Variants in ARHGAP19 observed in about 807,000 individuals in gnomAD.
The protein encoded by ARHGAP19 is rho GTPase-activating protein 19.
In ARHGAP19, 48 loss-of-function variants were observed where a neutral mutation model predicts 60.9. That is an observed-to-expected ratio of 0.79 (90% confidence interval 0.62 to 1.00). ARHGAP19 has a LOEUF of 1.00. Ranked by LOEUF, ARHGAP19 falls within the 50% of genes least tolerant of loss-of-function variation. The pLI is 0.00. For synonymous variants in ARHGAP19, 209 were observed against 215.5 expected, an observed-to-expected ratio of 0.97 and a Z score of 0.27; for missense variants, 562 against 597.2, an observed-to-expected ratio of 0.94 and a Z score of 0.61.
At chr10:97,271,528 G>A (rs144065464) in intron 1 of ARHGAP19, among the ~76,000 whole-genome samples, 108 of 152,110 alleles carry the variant, frequency 7.1e-4, no homozygotes, top group African/African-American at 2.3e-3. Flanking sequence ...GATCAGTAAC[G>A]CAGAGGAGGG....
intron 9 of ARHGAP19, among the ~76,000 whole-genome samples, chr10:97,233,537 C>T (rs899074353): frequency 2.6e-5 from 4 of 152,140 alleles, no homozygotes; most frequent in Non-Finnish European, 5.9e-5. Context: ...CAAACTAACA[C>T]AAGAACAGAA....
chr10:97,259,728 A>G (rs1842803309), intron 4 of ARHGAP19, 100 bp from the exon 5 acceptor site: 5 of 824,574 alleles, frequency 6.1e-6, no homozygotes, highest in Non-Finnish European at 1.0e-5. Context: ...TCAAAGAAAG[A>G]GGGAAAAAAG....
intron 6 of ARHGAP19, among the ~76,000 whole-genome samples, chr10:97,254,714 A>C (rs1176134242): frequency 1.3e-5 from 2 of 152,210 alleles, no homozygotes; most frequent in Non-Finnish European, 2.9e-5. Context: ...TTAAATTTGC[A>C]CATCAAAACA....
At chr10:97,260,474 G>A (rs1238917904) in intron 4 of ARHGAP19, among the ~76,000 whole-genome samples, 1 of 151,810 alleles carries the variant, frequency 6.6e-6, no homozygotes, top group Non-Finnish European at 1.5e-5. Context: ...AGCTTGCAGT[G>A]AGCCGAGATC....
chr10:97,239,376 G>A (rs1333018590), intron 8 of ARHGAP19, among the ~76,000 whole-genome samples: 2 of 151,926 alleles, frequency 1.3e-5, no homozygotes, highest in Non-Finnish European at 2.9e-5. Context: ...CGCGCCTGTA[G>A]TCCCAGCTAC....
At chr10:97,289,137 C>T (rs1268384930) in intron 1 of ARHGAP19, among the ~76,000 whole-genome samples, 1 of 112,060 alleles carries the variant, frequency 8.9e-6, no homozygotes, top group African/African-American at 3.5e-5. Context: ...TTTTTCGAAA[C>T]GTAGTCTCGC....
chr10:97,264,189 C>T (rs370363829), intron 3 of ARHGAP19, among the ~76,000 whole-genome samples: 11 of 152,178 alleles, frequency 7.2e-5, no homozygotes, highest in African/African-American at 2.7e-4. Context: ...CAATGGCTCA[C>T]GCCTATAATC....
chr10:97,256,315 T>C lies in ARHGAP19; in HGVS notation c.927+3A>G. On this transcript the variant is annotated splice_donor_region_variant and intron_variant, in intron 6 of 11. Coordinates refer to ENST00000358531, the MANE Select transcript of ARHGAP19 (RefSeq NM_032900.6). ...TACCAGCCAAATGCTATCCCTTACC[T>C]ACCTTAAAAAGTTTCTGGGAGTGTT... 6.2e-7 allele frequency: 1 copy of C among 1,611,112 alleles called. No individual in the cohort carries two copies. The highest frequency in any genetic ancestry group is 8.5e-7 in the Non-Finnish European group (1 of 1,177,286).
At chr10:97,274,710 A>G (rs1843002429) in intron 1 of ARHGAP19, among the ~76,000 whole-genome samples, 1 of 152,216 alleles carries the variant, frequency 6.6e-6, no homozygotes, top group Non-Finnish European at 1.5e-5. Flanking sequence ...TGATATAAAT[A>G]TTATAGAAAA....
intron 11 of ARHGAP19, among the ~76,000 whole-genome samples, chr10:97,227,082 A>G (rs532776303): frequency 6.6e-6 from 1 of 152,376 alleles, no homozygotes; most frequent in South Asian, 2.1e-4. Context: ...CTCCTACAAC[A>G]AAGCATTATC....
chr10:97,288,809 CTTTTTT>C (rs750951743), intron 1 of ARHGAP19, among the ~76,000 whole-genome samples: 1 of 120,004 alleles, frequency 8.3e-6, no homozygotes, highest in African/African-American at 3.5e-5. Flanking sequence ...AACTTCTCTC[CTTTTTT>C]TTTTTTTTTT....
At chr10:97,265,018 G>A in intron 2 of ARHGAP19, 112 bp from the exon 3 acceptor site, 1 of 795,278 alleles carries the variant, frequency 1.3e-6, no homozygotes, top group Admixed American at 2.5e-5. Flanking sequence ...ATTTTCACAT[G>A]GTCAGTAAAC....
intron 9 of ARHGAP19, among the ~76,000 whole-genome samples, chr10:97,231,888 C>G (rs1037413163): frequency 6.6e-6 from 1 of 151,916 alleles, no homozygotes; most frequent in East Asian, 1.9e-4. Flanking sequence ...ATACTGTTTT[C>G]CACAGTGGCT....
intron 4 of ARHGAP19, among the ~76,000 whole-genome samples, chr10:97,262,967 G>T (rs925439001): frequency 6.6e-6 from 1 of 152,002 alleles, no homozygotes; most frequent in African/African-American, 2.4e-5. Context: ...AAAAAAATTT[G>T]CCAGGCGTGG....
intron 1 of ARHGAP19, among the ~76,000 whole-genome samples, chr10:97,274,444 A>G (rs912145065): frequency 1.8e-4 from 27 of 151,526 alleles, no homozygotes; most frequent in Non-Finnish European, 1.5e-5. Flanking sequence ...TAGCCTGGGC[A>G]ACAGAGCAAG....
intron 9 of ARHGAP19, among the ~76,000 whole-genome samples, chr10:97,233,543 C>T (rs1388003432): frequency 6.6e-6 from 1 of 152,124 alleles, no homozygotes; most frequent in Non-Finnish European, 1.5e-5. Flanking sequence ...AACACAAGAA[C>T]AGAAAACCAA....
Position 97,223,360 on chromosome 10 carries a change from C to A in ARHGAP19, c.*2762G>T, listed in dbSNP as rs1323500473. 6.6e-6 allele frequency: 1 copy of A among 152,156 alleles called. No homozygotes were observed. Among genetic ancestry groups the A allele is most frequent in the Non-Finnish European group, 1.5e-5 (1 of 68,040 alleles). The allele number at this position is 152,156 out of a possible 1,614,324, so 9.4% of individuals were successfully genotyped here. ...CACTACTACAGCAGGGTTTTTCACACCAGATTCATTGGTCCCAATGCAAAA... is the reference window on the plus strand; with the variant it reads ...CACTACTACAGCAGGGTTTTTCACAACAGATTCATTGGTCCCAATGCAAAA... On this transcript the variant is annotated 3_prime_UTR_variant, in exon 12 of 12. Coordinates refer to ENST00000358531, the MANE Select transcript of ARHGAP19 (RefSeq NM_032900.6).
At chr10:97,249,927 G>A (rs556133986) in intron 6 of ARHGAP19, among the ~76,000 whole-genome samples, 2 of 151,492 alleles carry the variant, frequency 1.3e-5, no homozygotes, top group African/African-American at 4.8e-5. Context: ...GCCTCTCCCA[G>A]GGGCCTGCCA....
At chr10:97,236,805 A>G (rs1282501263) in intron 8 of ARHGAP19, among the ~76,000 whole-genome samples, 3 of 36,080 alleles carry the variant, frequency 8.3e-5, no homozygotes, top group African/African-American at 1.4e-4. Flanking sequence ...CAGACTCAGA[A>G]AAAAAAAAAA....
Sources: allele counts gnomAD v4.1 joint callset (sites outside exome capture counted in the v4.1 genomes callset), GRCh38; gene constraint gnomAD v4.1.1; transcripts MANE v1.5; gene names NCBI Gene and HGNC (gene_info 2026-07-23, HGNC 2026-07-21).